The following SLC39A11 variants were observed in gnomAD, a reference collection of about 807,000 sequenced individuals.
SLC39A11 encodes the protein zinc transporter ZIP11.
In SLC39A11, 33 loss-of-function variants were observed where a neutral mutation model predicts 36.1. The observed-to-expected ratio is 0.91, with a 90% CI of 0.69 to 1.22. The LOEUF (loss-of-function observed/expected upper bound fraction) is 1.22. SLC39A11 is among the 50% of genes most tolerant of loss of function. The pLI, the probability that SLC39A11 is intolerant of heterozygous loss-of-function variation, is 0.00. For missense variants in SLC39A11, 432 were observed against 430.3 expected (o/e 1.00, Z -0.03); for synonymous variants, 166 against 170.3 (o/e 0.97, Z 0.20).
chr17:72,902,951 G>A (rs200290930), intron 5 of SLC39A11, among the ~76,000 whole-genome samples: 1 of 151,656 alleles, frequency 6.6e-6, no homozygotes, highest in Non-Finnish European at 1.5e-5. Flanking sequence ...ATTGTAGTTA[G>A]AAAAAAAAGT....
chr17:73,035,863 C>A (rs1236918558), intron 3 of SLC39A11, among the ~76,000 whole-genome samples: 16 of 65,552 alleles, frequency 2.4e-4, no homozygotes, highest in East Asian at 1.0e-3. Context: ...CACTCCATCT[C>A]AAAAAAAAAA....
At chr17:72,911,452 T>C (rs2082991884) in intron 5 of SLC39A11, among the ~76,000 whole-genome samples, 1 of 152,098 alleles carries the variant, frequency 6.6e-6, no homozygotes, top group South Asian at 2.1e-4. Flanking sequence ...AACGTTCTCT[T>C]TTTACACATC....
intron 6 of SLC39A11, among the ~76,000 whole-genome samples, chr17:72,840,810 C>T (rs1229943552): frequency 2.0e-5 from 3 of 151,890 alleles, no homozygotes; most frequent in Non-Finnish European, 4.4e-5. Flanking sequence ...AATCCTAGCA[C>T]TCTGGGAGGC....
chr17:73,031,513 G>C, intron 4 of SLC39A11, 43 bp downstream of exon 4: 1 of 1,603,490 alleles, frequency 6.2e-7, no homozygotes, highest in South Asian at 1.1e-5. Flanking sequence ...GCACAGAGCT[G>C]GTTGTATCCC....
chr17:72,821,362 T>C (rs891740923), intron 6 of SLC39A11, among the ~76,000 whole-genome samples: 4 of 149,750 alleles, frequency 2.7e-5, no homozygotes, highest in Non-Finnish European at 6.0e-5. Flanking sequence ...AAAAAATAGC[T>C]GGGCATGGTG....
At chr17:72,665,389 GTTTTTTTT>G (rs780329919) in intron 7 of SLC39A11, among the ~76,000 whole-genome samples, 2 of 76,636 alleles carry the variant, frequency 2.6e-5, no homozygotes, top group African/African-American at 1.1e-4. Flanking sequence ...GTTTTGAGGT[GTTTTTTTT>G]TTTTTTTTTT....
At chr17:73,032,963 G>T (rs931819772) in intron 3 of SLC39A11, among the ~76,000 whole-genome samples, 1 of 152,270 alleles carries the variant, frequency 6.6e-6, no homozygotes, top group East Asian at 1.9e-4. Flanking sequence ...ACAGGCCAGC[G>T]GTCCCCAATC....
chr17:73,058,998 A>G (rs908829543), intron 3 of SLC39A11, among the ~76,000 whole-genome samples: 4 of 152,236 alleles, frequency 2.6e-5, no homozygotes, highest in African/African-American at 9.6e-5. Context: ...GGACAGCATA[A>G]AAGTTTATAA....
intron 4 of SLC39A11, among the ~76,000 whole-genome samples, chr17:72,984,689 G>A (rs1406115904): frequency 2.6e-5 from 4 of 152,216 alleles, no homozygotes; most frequent in South Asian, 2.1e-4. Flanking sequence ...GAGAATCACC[G>A]CAGTGAAGCA....
intron 7 of SLC39A11, among the ~76,000 whole-genome samples, chr17:72,723,360 C>T (rs1226103820): frequency 3.0e-5 from 4 of 134,822 alleles, no homozygotes; most frequent in Non-Finnish European, 6.1e-5. Flanking sequence ...GTGTTTGCAG[C>T]CTAGCTGTCA....
intron 6 of SLC39A11, among the ~76,000 whole-genome samples, chr17:72,740,427 A>T (rs2074641397): frequency 1.3e-5 from 2 of 152,150 alleles, no homozygotes; most frequent in South Asian, 2.1e-4. Context: ...GCCGTACTGT[A>T]TTTATCAAGA....
chr17:72,882,077 G>A (rs1400405507), intron 5 of SLC39A11, among the ~76,000 whole-genome samples: 1 of 152,178 alleles, frequency 6.6e-6, no homozygotes, highest in Non-Finnish European at 1.5e-5. Flanking sequence ...GGCCGGGCCG[G>A]TGTGGTGGCT....
chr17:72,761,255 C>T (rs1344263222), intron 6 of SLC39A11, among the ~76,000 whole-genome samples: 1 of 152,108 alleles, frequency 6.6e-6, no homozygotes, highest in Middle Eastern at 3.2e-3. Context: ...GCTGGGATTA[C>T]AGGCACCCGC....
chr17:72,740,111 G>A (rs2074618773), intron 6 of SLC39A11, among the ~76,000 whole-genome samples: 1 of 131,244 alleles, frequency 7.6e-6, no homozygotes, highest in African/African-American at 2.9e-5. Context: ...CGCCCAGGCT[G>A]GAGTGCAGTG....
chr17:72,847,425 T>C (rs62071211), intron 6 of SLC39A11, among the ~76,000 whole-genome samples: 1 of 143,874 alleles, frequency 7.0e-6, no homozygotes, highest in South Asian at 2.2e-4. Context: ...AAAAAAAAAT[T>C]GGAAAACCAA....
chr17:72,662,413 A>AAAAGAAAGAG (rs1197165410), intron 7 of SLC39A11, among the ~76,000 whole-genome samples: 1 of 149,842 alleles, frequency 6.7e-6, no homozygotes, highest in East Asian at 2.0e-4. Context: ...GGAAGAAAGA[A>AAAAGAAAGAG]AAAGAAAGAG....
intron 4 of SLC39A11, among the ~76,000 whole-genome samples, chr17:73,031,343 A>G (rs2058733235): frequency 6.6e-6 from 1 of 152,064 alleles, no homozygotes; most frequent in African/African-American, 2.4e-5. Context: ...CAAAATCCGA[A>G]CTTACTAAAA....
chr17:72,902,935 T>C (rs1205660638), intron 5 of SLC39A11, among the ~76,000 whole-genome samples: 4 of 133,626 alleles, frequency 3.0e-5, no homozygotes, highest in African/African-American at 1.2e-4. Context: ...TAGTCAAAGA[T>C]GATAAATTGT....
intron 3 of SLC39A11, among the ~76,000 whole-genome samples, chr17:73,074,483 G>A (rs1366509924): frequency 2.0e-5 from 3 of 152,076 alleles, no homozygotes. Flanking sequence ...ATTTTTAGTA[G>A]AGACAGGGTT....
Sources: allele counts gnomAD v4.1 joint callset (sites outside exome capture counted in the v4.1 genomes callset), GRCh38; gene constraint gnomAD v4.1.1; transcripts MANE v1.5; gene names NCBI Gene and HGNC (gene_info 2026-07-23, HGNC 2026-07-21).